Variants in CHST15 observed in about 807,000 individuals in gnomAD.
CHST15 encodes the protein carbohydrate sulfotransferase 15, also known as B cell RAG associated protein (GALNAC4S-6ST).
A neutral mutation model predicts 53.6 loss-of-function variants in CHST15; 30 were observed. The ratio of observed to expected loss-of-function variants is 0.56; its 90% CI spans 0.42 to 0.76. The LOEUF (loss-of-function observed/expected upper bound fraction) is 0.76. CHST15 is among the 30% of genes least tolerant of loss of function. The probability of loss-of-function intolerance (pLI) is 0.00; values close to 1 mark genes in which losing one functional copy is unlikely to be tolerated. For missense variants in CHST15, 627 were observed against 740.5 expected (o/e 0.85, Z 1.78); for synonymous variants, 296 against 289.8 (o/e 1.02, Z -0.22).
intron 1 of CHST15, among the ~76,000 whole-genome samples, chr10:124,068,145 C>T (rs1948805831): frequency 6.6e-6 from 1 of 152,126 alleles, no homozygotes; most frequent in Non-Finnish European, 1.5e-5. Flanking sequence ...CTCGGGGGGT[C>T]AGAGGCAGAG....
intron 5 of CHST15, among the ~76,000 whole-genome samples, chr10:124,026,207 G>A (rs1052152739): frequency 5.3e-5 from 8 of 152,324 alleles, no homozygotes; most frequent in Admixed American, 4.6e-4. Flanking sequence ...ATGCGGACAG[G>A]AGCACTTCCC....
chr10:124,093,540 T>G lies in CHST15; in HGVS notation c.-584A>C, dbSNP rs1463077275. 6.6e-6 allele frequency: 1 copy of G among 152,296 alleles called. No individual in the cohort carries two copies. Among genetic ancestry groups the G allele is most frequent in the Non-Finnish European group, 1.5e-5 (1 of 68,116 alleles). 9.4% of individuals were successfully genotyped at this position (152,296 alleles called of 1,614,324 possible). The stretch of plus-strand genomic sequence containing the variant: ...GCGGGAGCGCGCCCAGCCCCGAGCC[T>G]CTAGCCCCGCATCCAGGGCGCGTCA... On this transcript the variant is annotated 5_prime_UTR_variant, in exon 1 of 8. Transcript: ENST00000435907.
In CHST15 at chr10:124,046,005, C is replaced by A; in HGVS notation, c.208G>T (p.Gly70Trp). Reference sequence around the variant, plus strand: ...TTCCCCTTTTTGAAGCGCAAAAACCCACCCCAGTTTTCGTTCCCTTCAGTC... The same window carrying A: ...TTCCCCTTTTTGAAGCGCAAAAACCAACCCCAGTTTTCGTTCCCTTCAGTC... ...VRTEGNENWG[G>W]FLRFKKGKRC... is the part of the protein sequence containing the mutation. Residue 70 changes from glycine to tryptophan, a missense_variant, in exon 2 of 8, where the codon GGG becomes TGG. Around this residue, in one of 3 missense-constraint regions of CHST15, gnomAD observed 187 missense variants for 251.8 expected, o/e 0.74. Coordinates refer to ENST00000435907, the MANE Select transcript of CHST15 (RefSeq NM_001270764.2). The A allele has an allele frequency of 6.2e-7, 1 of 1,614,114 alleles. No individual in the cohort carries two copies. Among genetic ancestry groups the A allele is most frequent in the East Asian group, 2.2e-5 (1 of 44,878 alleles).
chr10:124,065,065 A>G (rs936840401), intron 1 of CHST15, among the ~76,000 whole-genome samples: 2 of 152,214 alleles, frequency 1.3e-5, no homozygotes, highest in African/African-American at 4.8e-5. Context: ...CAGAATGCCC[A>G]ATACATGTTG....
intron 1 of CHST15, among the ~76,000 whole-genome samples, chr10:124,073,433 A>T (rs900347071): frequency 2.6e-5 from 4 of 152,200 alleles, no homozygotes; most frequent in African/African-American, 9.7e-5. Flanking sequence ...TAATGACCAG[A>T]ACAGAGCCCA....
At chr10:124,035,086 G>C (rs1417071713) in intron 5 of CHST15, among the ~76,000 whole-genome samples, 1 of 144,208 alleles carries the variant, frequency 6.9e-6, no homozygotes, top group Non-Finnish European at 1.5e-5. Context: ...CAGGGACGCC[G>C]GCTCCACCCC....
intron 3 of CHST15, 40 bp downstream of exon 3, chr10:124,044,540 G>A (rs1326680983): frequency 3.5e-6 from 5 of 1,429,862 alleles, no homozygotes; most frequent in East Asian, 2.6e-5. Context: ...AACGAATGAA[G>A]GAACGAGACC....
At chr10:124,016,842 T>TG (rs1250815999) in intron 6 of CHST15, among the ~76,000 whole-genome samples, 2 of 152,166 alleles carry the variant, frequency 1.3e-5, no homozygotes, top group South Asian at 2.1e-4. Flanking sequence ...CTCTCACAGA[T>TG]GGAGTTTTAG....
At chr10:124,086,677 T>G (rs1949439068) in intron 1 of CHST15, among the ~76,000 whole-genome samples, 1 of 151,678 alleles carries the variant, frequency 6.6e-6, no homozygotes, top group East Asian at 1.9e-4. Flanking sequence ...CTCCTCCTCC[T>G]CCTCCTCCTC....
rs182303874 is a variant in CHST15 at position 124,067,335 on chromosome 10, C to T, written c.-512-20611G>A. On this transcript the variant is annotated intron_variant, in intron 1 of 7. Coordinates refer to ENST00000435907, the MANE Select transcript of CHST15 (RefSeq NM_001270764.2). ...TTGCTCAGTAATCAGTGCAGGTGCA[C>T]TTCTGTCCTGCTTCCTAAGATATGC... 2.0e-5 allele frequency among the ~76,000 whole-genome samples: 3 copies of T among 152,334 alleles called. No homozygotes were observed. In the East Asian group the frequency reaches 5.8e-4, roughly 29 times the overall value.
chr10:124,026,403 G>T (rs548304175), intron 5 of CHST15, among the ~76,000 whole-genome samples: 1 of 152,306 alleles, frequency 6.6e-6, no homozygotes, highest in Admixed American at 6.5e-5. Flanking sequence ...ACTCGGATAG[G>T]TTAAAGCCAC....
rs74962101 is a variant in CHST15, at chr10:124,044,869, A to G, written c.597T>C (p.Cys199=). 0.015 allele frequency: 22,050 copies of G among 1,478,720 alleles called. 1,954 individuals are homozygous for G. The East Asian group carries it at 0.25, about 17-fold the overall frequency. 91.6% of individuals were successfully genotyped at this position (1,478,720 alleles called of 1,614,324 possible). ...TCTGCCCCGAGAACTCCTCGTACCA[A>G]CAGGGGCTCTTACTGTTTGGAAGGA... The part of the protein sequence containing the change: ...NKFLPNSKSP[C]WYEEFSGQNT... The change falls in exon 3 of 8, where the codon TGT becomes TGC. Residue 199 remains cysteine (C), a synonymous_variant. Transcript: ENST00000435907.
At position 124,008,510 on chromosome 10, in the gene CHST15, GAC is replaced by G. The variant is rs1203504815; in HGVS notation, c.*1637_*1638del. 45 of 992,802 alleles carry G rather than the reference GAC, an allele frequency of 4.5e-5. No individual in the cohort carries two copies. The highest frequency in any genetic ancestry group is 5.4e-5 in the Non-Finnish European group (45 of 833,946). The allele number at this position is 992,802 out of a possible 1,614,324, so 61.5% of individuals were successfully genotyped here. A position where few individuals can be genotyped will look rare whatever the true frequency, so the allele number is the denominator to read the frequency against. On this transcript the variant is annotated 3_prime_UTR_variant, in exon 8 of 8. Coordinates refer to ENST00000435907, the MANE Select transcript of CHST15 (RefSeq NM_001270764.2). ...ACTGTCCCTGCAAGTGGGAGTTCAG[GAC>G]ACACGCTCCTTCAGTAGCAAAAACA...
rs1300111499 is a variant in CHST15, at chr10:124,008,071, G to A, written c.*2078C>T. The A allele has an allele frequency of 2.1e-5, 26 of 1,231,834 alleles. No homozygotes were observed. The highest frequency in any genetic ancestry group is 1.6e-4 in the African/African-American group (10 of 64,328). The allele number at this position is 1,231,834 out of a possible 1,614,324, so 76.3% of individuals were successfully genotyped here. ...GGGACTGCATATATAAAAAAGATCCGCATAATAAACCAAATAATATTGGAA... is the reference window on the plus strand; with the variant it reads ...GGGACTGCATATATAAAAAAGATCCACATAATAAACCAAATAATATTGGAA... On this transcript the variant is annotated 3_prime_UTR_variant, in exon 8 of 8. Coordinates refer to ENST00000435907, the MANE Select transcript of CHST15 (RefSeq NM_001270764.2).
At chr10:124,028,739 A>T (rs1326727606) in intron 5 of CHST15, among the ~76,000 whole-genome samples, 1 of 152,218 alleles carries the variant, frequency 6.6e-6, no homozygotes, top group Non-Finnish European at 1.5e-5. Flanking sequence ...GAGCTCTGAC[A>T]TGTCCTCCAG....
At chr10:124,032,016 C>T (rs1193132539) in intron 5 of CHST15, among the ~76,000 whole-genome samples, 1 of 152,208 alleles carries the variant, frequency 6.6e-6, no homozygotes, top group Non-Finnish European at 1.5e-5. Context: ...ACCAGGATTC[C>T]TGCCCAAATG....
intron 5 of CHST15, among the ~76,000 whole-genome samples, chr10:124,034,706 CAGGGACCCCGGCTCCACCCCCTAA>C: frequency 7.5e-6 from 1 of 134,156 alleles, no homozygotes; most frequent in Non-Finnish European, 1.6e-5. Flanking sequence ...CACCCCCTAA[CAGGGACCCCGGCTCCACCCCCTAA>C]CAGGGACCCC....
intron 6 of CHST15, chr10:124,020,870 A>T (rs554702542): frequency 8.0e-7 from 1 of 1,256,476 alleles, no homozygotes; most frequent in East Asian, 3.1e-5. Flanking sequence ...ATTGATGGGT[A>T]GTTTTTTAAA....
rs766132829 is a variant in CHST15, at chr10:124,045,737, A to ATGC, written c.473_475dup (p.Ser158dup). ...GGTCGTGAACTCAATCCTAGTTGTG[A>ATGC]TGCTGTTGATAATTAATTTAATGCT... On this transcript the variant is annotated inframe_insertion, in exon 2 of 8. Coordinates refer to ENST00000435907, the MANE Select transcript of CHST15 (RefSeq NM_001270764.2). 4 of 1,613,998 alleles carry ATGC rather than the reference A, an allele frequency of 2.5e-6. No individual in the cohort carries two copies. In the African/African-American group the frequency reaches 5.3e-5, roughly 22 times the overall value.
Sources: allele counts gnomAD v4.1 joint callset (sites outside exome capture counted in the v4.1 genomes callset), GRCh38; gene constraint gnomAD v4.1.1; regional missense constraint gnomAD v4.1.1; transcripts MANE v1.5; gene names NCBI Gene and HGNC (gene_info 2026-07-23, HGNC 2026-07-21).